The following TMEM132B variants were observed in gnomAD, a reference collection of about 807,000 sequenced individuals.
The protein encoded by TMEM132B is transmembrane protein 132B.
In TMEM132B, 18 loss-of-function variants were observed where a neutral mutation model predicts 90.8. That is an observed-to-expected ratio of 0.20 (90% CI 0.14 to 0.29). The LOEUF is 0.29. Ranked by LOEUF, TMEM132B falls within the 10% of genes least tolerant of loss-of-function variation. The pLI, the probability that TMEM132B is intolerant of heterozygous loss-of-function variation, is 1.00. For missense variants in TMEM132B, 1,096 were observed against 1,326.8 expected (o/e 0.83, Z 2.70); for synonymous variants, 504 against 523.3 (o/e 0.96, Z 0.50).
intron 3 of TMEM132B, among the ~76,000 whole-genome samples, chr12:125,506,948 C>T (rs984125766): frequency 6.6e-6 from 1 of 152,224 alleles, no homozygotes; most frequent in Non-Finnish European, 1.5e-5. Context: ...TTTGAGATTC[C>T]AGCATATCAT....
Position 125,498,202 on chromosome 12 carries a change from G to A in TMEM132B, c.1107-21237G>A, listed in dbSNP as rs1701947340. On this transcript the variant is annotated intron_variant, in intron 3 of 8. Coordinates refer to ENST00000682704, the MANE Select transcript of TMEM132B (RefSeq NM_001366854.1). The surrounding 1 kb of genome is among the most constrained non-coding windows in gnomAD (Gnocchi z 4.5). ...GTTCTCTGAGGGTGTATATTTCTAT[G>A]TCCTGGTCAGAAGGCTGGGAGGATA... Among the ~76,000 whole-genome samples, 1 of 152,196 alleles carries A rather than the reference G, an allele frequency of 6.6e-6. No individual in the cohort carries two copies. Among genetic ancestry groups the A allele is most frequent in the South Asian group, 2.1e-4 (1 of 4,828 alleles).
rs568509851 is a variant in TMEM132B, at chr12:125,464,115, G to C, written c.1106+48438G>C. Among the ~76,000 whole-genome samples, 8 of 152,286 alleles carry C rather than the reference G, an allele frequency of 5.3e-5. No individual in the cohort carries two copies. The South Asian group carries it at 1.5e-3, about 28-fold the overall frequency. On this transcript the variant is annotated intron_variant, in intron 3 of 8. Coordinates refer to ENST00000682704, the MANE Select transcript of TMEM132B (RefSeq NM_001366854.1). ...GAGATGAGATTTTGGTGGGGACACA[G>C]AGCCAAATCATGTCACCATCCATTT...
chr12:125,494,246 C>T (rs1372083280), intron 3 of TMEM132B, among the ~76,000 whole-genome samples: 12 of 131,742 alleles, frequency 9.1e-5, no homozygotes, highest in Middle Eastern at 6.6e-3. Context: ...ATGGCCGTGT[C>T]CCTCTTCCCC....
In TMEM132B at chr12:125,209,522, G is replaced by T. The variant is rs1476679710; in HGVS notation, c.67+22656G>T. Reference sequence around the variant, plus strand: ...CCCTGCTTTGCTTGAGGGACTGACGGCAGGGACCCTGCCACCCCGTTTCCT... The same window carrying T: ...CCCTGCTTTGCTTGAGGGACTGACGTCAGGGACCCTGCCACCCCGTTTCCT... On this transcript the variant is annotated intron_variant, in intron 1 of 8. Coordinates refer to ENST00000682704, the MANE Select transcript of TMEM132B (RefSeq NM_001366854.1). This position sits in a 1 kb window ranked among gnomAD's most constrained non-coding sequence, Gnocchi z 4.4. 6.6e-6 allele frequency among the ~76,000 whole-genome samples: 1 copy of T among 152,214 alleles called. No individual in the cohort carries two copies. Among genetic ancestry groups the T allele is most frequent in the Non-Finnish European group, 1.5e-5 (1 of 68,036 alleles).
intron 1 of TMEM132B, among the ~76,000 whole-genome samples, chr12:125,229,990 C>T (rs944764321): frequency 1.3e-5 from 2 of 152,194 alleles, no homozygotes; most frequent in Non-Finnish European, 2.9e-5. Context: ...CAGGAGCAGC[C>T]TTAGGTCACA....
At chr12:125,368,935 A>G (rs183331762) in intron 2 of TMEM132B, among the ~76,000 whole-genome samples, 9 of 152,248 alleles carry the variant, frequency 5.9e-5, no homozygotes, top group South Asian at 4.1e-4. Flanking sequence ...GGTTTGTTAC[A>G]TATGTATACA....
At chr12:125,548,686 T>C (rs749300491) in intron 4 of TMEM132B, among the ~76,000 whole-genome samples, 1 of 152,024 alleles carries the variant, frequency 6.6e-6, no homozygotes, top group Non-Finnish European at 1.5e-5. Context: ...ATAGAATAAA[T>C]AGGGGGAATG....
intron 1 of TMEM132B, among the ~76,000 whole-genome samples, chr12:125,317,555 G>A (rs1330616671): frequency 2.6e-5 from 4 of 152,012 alleles, no homozygotes; most frequent in African/African-American, 9.7e-5. Flanking sequence ...TTGAGTGAAG[G>A]GGACATCATC....
At chr12:125,243,122 T>TAC (rs1271698077) in intron 1 of TMEM132B, among the ~76,000 whole-genome samples, 8 of 103,546 alleles carry the variant, frequency 7.7e-5, no homozygotes, top group East Asian at 2.5e-4. Flanking sequence ...TATATATATA[T>TAC]ACACACACAC....
chr12:125,380,789 C>A (rs897021585), intron 2 of TMEM132B, among the ~76,000 whole-genome samples: 88 of 152,300 alleles, frequency 5.8e-4, no homozygotes, highest in African/African-American at 1.9e-3. Flanking sequence ...AGCCACATTT[C>A]TCCTGCTTAA....
At chr12:125,644,816 G>T (rs1886719773) in intron 6 of TMEM132B, among the ~76,000 whole-genome samples, 1 of 152,094 alleles carries the variant, frequency 6.6e-6, no homozygotes, top group Admixed American at 6.5e-5. Flanking sequence ...GTACCTGTGT[G>T]ACATTGGACA....
rs1886955175 is a variant in TMEM132B, at chr12:125,652,603, G to A, written c.2077G>A (p.Ala693Thr). The stretch of plus-strand genomic sequence containing the variant: ...AAGGGCCATCGTCTCCACAGCTGCT[G>A]CCCTGGATGTTCTTCAGTCCCCACA... ...DKRAIVSTAA[A>T]LDVLQSPQQE... Residue 693 changes from alanine (A) to threonine (T), a missense_variant, in exon 8 of 9, where the codon GCC (alanine) becomes ACC (threonine). Ala to Thr is a moderately conservative substitution (Grantham distance 58). Transcript: ENST00000682704. 3 of 1,613,298 alleles carry A rather than the reference G, an allele frequency of 1.9e-6. No individual in the cohort carries two copies. The highest frequency in any genetic ancestry group is 2.2e-5 in the South Asian group (2 of 90,928).
At chr12:125,529,563 G>A (rs1390065246) in intron 4 of TMEM132B, among the ~76,000 whole-genome samples, 3 of 152,144 alleles carry the variant, frequency 2.0e-5, no homozygotes, top group African/African-American at 7.2e-5. Context: ...CACTTTGCTG[G>A]TCGCTGGGAT....
At chr12:125,205,349 C>A (rs1873156772) in intron 1 of TMEM132B, among the ~76,000 whole-genome samples, 1 of 151,944 alleles carries the variant, frequency 6.6e-6, no homozygotes, top group South Asian at 2.1e-4. Context: ...CTCATGAATT[C>A]TTTCAATGAG....
At chr12:125,219,452 C>T (rs965339692) in intron 1 of TMEM132B, among the ~76,000 whole-genome samples, 2 of 152,178 alleles carry the variant, frequency 1.3e-5, no homozygotes, top group Admixed American at 1.3e-4. Context: ...GCTGTTTGTG[C>T]TCACCTGGCA....
At chr12:125,487,299 C>T (rs1882228147) in intron 3 of TMEM132B, among the ~76,000 whole-genome samples, 2 of 152,168 alleles carry the variant, frequency 1.3e-5, no homozygotes, top group African/African-American at 2.4e-5. Flanking sequence ...TGTGGCTTGT[C>T]ACTAAGAAAT....
chr12:125,340,314 T>C (rs1163549867), intron 1 of TMEM132B, among the ~76,000 whole-genome samples: 1 of 152,128 alleles, frequency 6.6e-6, no homozygotes, highest in Non-Finnish European at 1.5e-5. Context: ...ATAAAATCTT[T>C]CTATTGTCTG....
chr12:125,294,984 G>A (rs1875631332), intron 1 of TMEM132B, among the ~76,000 whole-genome samples: 1 of 152,162 alleles, frequency 6.6e-6, no homozygotes, highest in Non-Finnish European at 1.5e-5. Context: ...CAACCTTAAC[G>A]GCGGGTGGTA....
intron 5 of TMEM132B, among the ~76,000 whole-genome samples, chr12:125,603,919 T>G (rs1321087548): frequency 6.6e-6 from 1 of 152,142 alleles, no homozygotes; most frequent in African/African-American, 2.4e-5. Context: ...CTAGTCAGAA[T>G]GGCAATTCTT....
Sources: allele counts gnomAD v4.1 joint callset (sites outside exome capture counted in the v4.1 genomes callset), GRCh38; gene constraint gnomAD v4.1.1; non-coding constraint Gnocchi (gnomAD v3.1); transcripts MANE v1.5; gene names NCBI Gene and HGNC (gene_info 2026-07-23, HGNC 2026-07-21).